Variants in IMMP2L observed in about 807,000 individuals in gnomAD.
IMMP2L encodes the protein mitochondrial inner membrane protease subunit 2.
A neutral mutation model predicts 19.3 loss-of-function variants in IMMP2L; 18 were observed. The observed-to-expected ratio is 0.93, with a 90% CI of 0.64 to 1.38. The LOEUF (loss-of-function observed/expected upper bound fraction) is 1.38. Among genes scored for constraint, IMMP2L ranks in the 40% most tolerant of loss-of-function variants. IMMP2L has a pLI of 0.00. For synonymous variants in IMMP2L, 76 were observed against 73.0 expected (o/e 1.04, Z -0.21); for missense variants, 233 against 218.2 (o/e 1.07, Z -0.43).
intron 3 of IMMP2L, among the ~76,000 whole-genome samples, chr7:111,220,696 G>A (rs1298679133): frequency 6.6e-6 from 1 of 151,824 alleles, no homozygotes; most frequent in Non-Finnish European, 1.5e-5. Context: ...GTAAGGTATA[G>A]GCTCAAGTGA....
intron 3 of IMMP2L, among the ~76,000 whole-genome samples, chr7:111,480,570 G>A (rs977766171): frequency 7.2e-6 from 1 of 139,092 alleles, no homozygotes; most frequent in African/African-American, 2.8e-5. Context: ...CTGCAACACA[G>A]GATTTCCCTC....
intron 3 of IMMP2L, among the ~76,000 whole-genome samples, chr7:111,380,136 T>G (rs970200382): frequency 6.6e-6 from 1 of 151,954 alleles, no homozygotes; most frequent in African/African-American, 2.4e-5. Flanking sequence ...ATCTAAAAAA[T>G]TTGAAGGCAC....
Position 110,835,929 on chromosome 7 carries a change from G to A in IMMP2L, c.408+50664C>T, listed in dbSNP as rs368320663. On this transcript the variant is annotated intron_variant, in intron 5 of 5. Transcript: ENST00000405709. ...ACTGACTTTGCAGAGCATGGCATAT[G>A]CTGAAATGAACATTGTAATTACATT... Among the ~76,000 whole-genome samples, 5 of 152,192 alleles carry A rather than the reference G, an allele frequency of 3.3e-5. No individual in the cohort carries two copies. In the South Asian group the frequency reaches 8.3e-4, roughly 25 times the overall value.
rs541056318 is a variant in IMMP2L, at chr7:111,261,196, G to A, written c.239+226042C>T. 5.3e-5 allele frequency among the ~76,000 whole-genome samples: 8 copies of A among 152,102 alleles called. No individual in the cohort carries two copies. In the South Asian group the frequency reaches 1.7e-3, roughly 32 times the overall value. ...CCGCCTTTAAGTATAGGATAAAGATGAACAAGTCTCCTGAAAGTTCTCTCA... is the reference window on the plus strand; with the variant it reads ...CCGCCTTTAAGTATAGGATAAAGATAAACAAGTCTCCTGAAAGTTCTCTCA... On this transcript the variant is annotated intron_variant, in intron 3 of 5. Coordinates refer to ENST00000405709, the MANE Select transcript of IMMP2L (RefSeq NM_032549.4).
At chr7:111,146,810 T>C (rs1015281762) in intron 3 of IMMP2L, among the ~76,000 whole-genome samples, 19 of 152,138 alleles carry the variant, frequency 1.2e-4, no homozygotes, top group Non-Finnish European at 2.2e-4. Context: ...TTAGATGTGT[T>C]CTGGAGGCAG....
intron 3 of IMMP2L, among the ~76,000 whole-genome samples, chr7:111,328,380 T>C (rs1013573039): frequency 4.6e-5 from 7 of 151,968 alleles, no homozygotes; most frequent in Middle Eastern, 3.4e-3. Flanking sequence ...CACAGAATGA[T>C]ACTTAGAAAT....
chr7:111,152,614 T>C (rs1804204765), intron 3 of IMMP2L, among the ~76,000 whole-genome samples: 1 of 152,170 alleles, frequency 6.6e-6, no homozygotes, highest in Admixed American at 6.6e-5. Context: ...TTGTTTAAGC[T>C]TCAGCTCAGT....
intron 3 of IMMP2L, among the ~76,000 whole-genome samples, chr7:111,427,135 A>G (rs111511911): frequency 0.021 from 3,154 of 151,672 alleles, 213 homozygotes; most frequent in African/African-American, 0.073. Flanking sequence ...CGAAGACCTT[A>G]GAATTCTTTT....
chr7:110,816,128 T>C (rs1337333602), intron 5 of IMMP2L, among the ~76,000 whole-genome samples: 2 of 152,028 alleles, frequency 1.3e-5, no homozygotes, highest in African/African-American at 2.4e-5. Context: ...CCTCTACACA[T>C]TGCTTTGAAT....
At chr7:110,978,364 C>G (rs865919541) in intron 3 of IMMP2L, among the ~76,000 whole-genome samples, 2 of 151,858 alleles carry the variant, frequency 1.3e-5, no homozygotes, top group East Asian at 3.8e-4. Context: ...GAAAGGTATG[C>G]CATAAACAAA....
chr7:111,538,234 A>G (rs568351042), intron 1 of IMMP2L, among the ~76,000 whole-genome samples: 1 of 152,240 alleles, frequency 6.6e-6, no homozygotes, highest in South Asian at 2.1e-4. Flanking sequence ...AGTTTCATTG[A>G]AGAAATTAAT....
intron 3 of IMMP2L, among the ~76,000 whole-genome samples, chr7:111,135,343 T>C (rs73201076): frequency 0.089 from 13,481 of 152,184 alleles, 764 homozygotes; most frequent in Middle Eastern, 0.18. Context: ...CTAACCTACC[T>C]TGATGAATTA....
intron 3 of IMMP2L, among the ~76,000 whole-genome samples, chr7:111,454,176 A>G (rs999002880): frequency 6.6e-6 from 1 of 152,104 alleles, no homozygotes; most frequent in Non-Finnish European, 1.5e-5. Context: ...TTTGTCAGCT[A>G]GGCTGGAGTG....
intron 3 of IMMP2L, among the ~76,000 whole-genome samples, chr7:111,266,046 CCT>C (rs1463314967): frequency 1.3e-5 from 2 of 152,076 alleles, no homozygotes; most frequent in Non-Finnish European, 2.9e-5. Context: ...CTTACCACAA[CCT>C]AACATACTTT....
chr7:111,414,115 G>A (rs145276280), intron 3 of IMMP2L, among the ~76,000 whole-genome samples: 2 of 151,700 alleles, frequency 1.3e-5, no homozygotes, highest in African/African-American at 4.9e-5. Context: ...CTCCTCAGGG[G>A]CTGGCTCACT....
At chr7:111,342,811 A>G (rs1827157049) in intron 3 of IMMP2L, among the ~76,000 whole-genome samples, 1 of 152,034 alleles carries the variant, frequency 6.6e-6, no homozygotes, top group African/African-American at 2.4e-5. Flanking sequence ...TGTAGTAGTA[A>G]GTATTCACTC....
chr7:111,182,639 G>A (rs181267284), intron 3 of IMMP2L, among the ~76,000 whole-genome samples: 5 of 151,742 alleles, frequency 3.3e-5, no homozygotes, highest in Non-Finnish European at 7.4e-5. Flanking sequence ...AAAAAATAAA[G>A]AAAGTCAATC....
chr7:111,389,535 C>CA (rs912566091), intron 3 of IMMP2L, among the ~76,000 whole-genome samples: 3 of 146,256 alleles, frequency 2.1e-5, no homozygotes, highest in Non-Finnish European at 3.0e-5. Flanking sequence ...ACTCTCAAGC[C>CA]AAAAAAAAAC....
At chr7:110,775,015 C>G (rs1006192493) in intron 5 of IMMP2L, among the ~76,000 whole-genome samples, 1 of 151,946 alleles carries the variant, frequency 6.6e-6, no homozygotes, top group Non-Finnish European at 1.5e-5. Context: ...AAAATCACAC[C>G]TTCAATGATT....
Sources: gnomAD v4.1 joint callset for allele counts (sites outside exome capture counted in the v4.1 genomes callset) on GRCh38, gnomAD v4.1.1 for gene constraint, MANE v1.5 for transcripts, NCBI Gene and HGNC (gene_info 2026-07-23, HGNC 2026-07-21) for gene names.